Variants in LTN1 observed in about 807,000 individuals in gnomAD.
The protein encoded by LTN1 is E3 ubiquitin-protein ligase listerin.
LTN1 carries 88 observed loss-of-function variants against 201.2 expected under a neutral mutation model. The ratio of observed to expected loss-of-function variants is 0.44; its 90% CI spans 0.37 to 0.52. LTN1 has a LOEUF of 0.52. Ranked by LOEUF, LTN1 falls within the 20% of genes least tolerant of loss-of-function variation. LTN1 has a pLI of 0.00. For synonymous variants in LTN1, 645 were observed against 713.5 expected, an observed-to-expected ratio of 0.90 and a Z score of 1.53; for missense variants, 1,752 against 2,038.7, an observed-to-expected ratio of 0.86 and a Z score of 2.71.
chr21:28,984,787 G>A lies in LTN1; in HGVS notation c.481C>T (p.Pro161Ser). Residue 161 changes from proline (P) to serine (S), a missense_variant, in exon 4 of 30, where the codon CCA (proline) becomes TCA (serine). Around this residue, in one of 3 missense-constraint regions of LTN1, gnomAD observed 280 missense variants for 375.7 expected, o/e 0.75. Coordinates refer to ENST00000361371, the MANE Select transcript of LTN1 (RefSeq NM_015565.3). ...WLMAQCDTYT[P>S]AAFAAKDAFE... ...GCATCTTTTGCTGCAAACGCAGCTG[G>A]TGTGTAAGTATCACACTGAGCCATT... 6.2e-7 allele frequency: 1 copy of A among 1,613,976 alleles called. No homozygotes were observed. The highest frequency in any genetic ancestry group is 1.6e-4 in the Middle Eastern group (1 of 6,062).
In LTN1 at chr21:28,992,788, C is replaced by T. The variant is rs781146882; in HGVS notation, c.18G>A (p.Lys6=). 3 of 1,614,146 alleles carry T rather than the reference C, an allele frequency of 1.9e-6. No individual in the cohort carries two copies. Among genetic ancestry groups the T allele is most frequent in the African/African-American group, 2.7e-5 (2 of 74,944 alleles). Residue 6 remains lysine, a synonymous_variant, in exon 1 of 30, where the codon AAG becomes AAA. Transcript: ENST00000361371. ...CCCTCAGGTTCCCTTTAGTTCGCTG[C>T]TTGTTCTTCCCGCCCATGGTCGCGG... is the stretch of plus-strand genomic sequence containing the variant. MGGKN[K]QRTKGNLRPS...
chr21:28,984,821 T>C lies in LTN1; in HGVS notation c.447A>G (p.Gly149=), dbSNP rs1251434069. 6.2e-7 allele frequency: 1 copy of C among 1,614,080 alleles called. No individual in the cohort carries two copies. Among genetic ancestry groups the C allele is most frequent in the Non-Finnish European group, 8.5e-7 (1 of 1,179,944 alleles). ...TATCACACTGAGCCATTAGCCAATA[T>C]CCCATTAAACTTTTTAAGTAGGGAG... ...QLAPYLKSLM[G]YWLMAQCDTY... is the part of the protein sequence containing the mutation. Residue 149 remains glycine, a synonymous_variant, in exon 4 of 30, where the codon GGA becomes GGG. Transcript: ENST00000361371.
chr21:28,944,864 GACACATTAAAT>G (rs2084325354), intron 21 of LTN1, among the ~76,000 whole-genome samples: 1 of 152,094 alleles, frequency 6.6e-6, no homozygotes, highest in Non-Finnish European at 1.5e-5. Context: ...CACTAAGTCA[GACACATTAAAT>G]ACACATTTAT....
chr21:28,943,933 C>A lies in LTN1; in HGVS notation c.3983-29G>T, dbSNP rs182078480. 6 of 1,393,888 alleles carry A rather than the reference C, an allele frequency of 4.3e-6. 1 individual carries two copies. The South Asian group carries it at 6.9e-5, about 16-fold the overall frequency. 86.3% of individuals were successfully genotyped at this position (1,393,888 alleles called of 1,614,324 possible). A position where few individuals can be genotyped will look rare whatever the true frequency, so the allele number is the denominator to read the frequency against. ...ATGACAAAAAGGAAAGAAACATGCA[C>A]GTCTCAAAAGAAAGTTAGTATAGCT... is the stretch of plus-strand genomic sequence containing the variant. On this transcript the variant is annotated intron_variant, in intron 22 of 29. Transcript: ENST00000361371.
chr21:28,988,647 T>G (rs965304510), intron 1 of LTN1, among the ~76,000 whole-genome samples: 2 of 148,510 alleles, frequency 1.3e-5, no homozygotes, highest in South Asian at 4.2e-4. Context: ...GGTTCTCTAT[T>G]TTTTTTTTTA....
Position 28,959,628 on chromosome 21 carries a change from T to C in LTN1, c.2423A>G (p.Lys808Arg). ...VRLHETLFKT[K>R]KLSEAESSDS... The stretch of plus-strand genomic sequence containing the variant: ...ACTGCTTTCAGCTTCTGATAATTTC[T>C]TTGTTTTGAATAAAGTTTCATGAAG... Residue 808 changes from lysine (K) to arginine (R), a missense_variant, in exon 13 of 30, where the codon AAG becomes AGG. Transcript: ENST00000361371. The C allele has an allele frequency of 6.2e-7, 1 of 1,613,976 alleles. No individual in the cohort carries two copies. The highest frequency in any genetic ancestry group is 1.7e-5 in the Admixed American group (1 of 60,010).
chr21:28,970,294 A>C (rs2084562898), intron 8 of LTN1, among the ~76,000 whole-genome samples: 1 of 152,252 alleles, frequency 6.6e-6, no homozygotes, highest in African/African-American at 2.4e-5. Flanking sequence ...CTGTTAAAAA[A>C]ATGGCTAATT....
intron 18 of LTN1, among the ~76,000 whole-genome samples, chr21:28,951,184 T>C (rs908866293): frequency 1.3e-5 from 2 of 152,250 alleles, no homozygotes; most frequent in African/African-American, 4.8e-5. Flanking sequence ...TACACATTCA[T>C]GTGAATCTAC....
intron 13 of LTN1, among the ~76,000 whole-genome samples, chr21:28,959,103 T>C (rs1161381279): frequency 6.6e-6 from 1 of 152,216 alleles, no homozygotes; most frequent in Non-Finnish European, 1.5e-5. Context: ...AAAGATTGAA[T>C]GTTTTTACTA....
At position 28,930,414 on chromosome 21, in the gene LTN1, T is replaced by G; in HGVS notation, c.*34A>C. 1 of 1,538,072 alleles carries G rather than the reference T, an allele frequency of 6.5e-7. No individual in the cohort carries two copies. Among genetic ancestry groups the G allele is most frequent in the Non-Finnish European group, 9.0e-7 (1 of 1,114,532 alleles). On this transcript the variant is annotated 3_prime_UTR_variant, in exon 30 of 30. Coordinates refer to ENST00000361371, the MANE Select transcript of LTN1 (RefSeq NM_015565.3). Reference sequence around the variant, plus strand: ...ATCCAAATCCAATGCCTTTGTTTGATGTACTTCAGGGATCCCTTCCAGTGA... The same window carrying G: ...ATCCAAATCCAATGCCTTTGTTTGAGGTACTTCAGGGATCCCTTCCAGTGA...
In LTN1 at chr21:28,941,520, C is replaced by T. The variant is rs77661302; in HGVS notation, c.4296-114G>A. On this transcript the variant is annotated intron_variant, in intron 24 of 29. Coordinates refer to ENST00000361371, the MANE Select transcript of LTN1 (RefSeq NM_015565.3). ...AAAAATTTCTCTGTTTTCCAAAAAA[C>T]GTTTTAAAAATTCCCCTCTATTGAG... 74 of 843,688 alleles carry T rather than the reference C, an allele frequency of 8.8e-5. 1 individual carries two copies. The East Asian group carries it at 2.0e-3, about 23-fold the overall frequency. The allele number at this position is 843,688 out of a possible 1,614,324, so 52.3% of individuals were successfully genotyped here.
chr21:28,930,247 A>T lies in LTN1; in HGVS notation c.*201T>A. The T allele has an allele frequency of 2.5e-6, 1 of 403,890 alleles. No individual in the cohort carries two copies. Among genetic ancestry groups the T allele is most frequent in the East Asian group, 3.7e-5 (1 of 26,948 alleles). 25.0% of individuals were successfully genotyped at this position (403,890 alleles called of 1,614,324 possible). ...ATATGTAATATTCTTTTGTAAAAGA[A>T]AGTTTCCAAACATTTACAAAGCAAT... On this transcript the variant is annotated 3_prime_UTR_variant, in exon 30 of 30. Transcript: ENST00000361371.
intron 11 of LTN1, among the ~76,000 whole-genome samples, chr21:28,961,151 A>G (rs2084475772): frequency 6.6e-6 from 1 of 152,112 alleles, no homozygotes; most frequent in South Asian, 2.1e-4. Flanking sequence ...GTTCCTTGAG[A>G]GTAGAGACTG....
At chr21:28,974,547 AAC>A (rs2084600099) in intron 6 of LTN1, among the ~76,000 whole-genome samples, 3 of 152,178 alleles carry the variant, frequency 2.0e-5, no homozygotes, top group African/African-American at 7.2e-5. Flanking sequence ...GCTTTGCCCA[AAC>A]GTGGCTGTGG....
rs2084458226 is a variant in LTN1, at chr21:28,959,630, T to C, written c.2421A>G (p.Thr807=). 1 of 1,613,966 alleles carries C rather than the reference T, an allele frequency of 6.2e-7. No homozygotes were observed. Among genetic ancestry groups the C allele is most frequent in the Admixed American group, 1.7e-5 (1 of 60,010 alleles). Residue 807 remains threonine (T), a synonymous_variant, in exon 13 of 30, where the codon ACA becomes ACG. Coordinates refer to ENST00000361371, the MANE Select transcript of LTN1 (RefSeq NM_015565.3). ...IVRLHETLFK[T]KKLSEAESSD... The stretch of plus-strand genomic sequence containing the variant: ...TGCTTTCAGCTTCTGATAATTTCTT[T>C]GTTTTGAATAAAGTTTCATGAAGTC...
At chr21:28,947,119 A>C (rs1007216279) in intron 19 of LTN1, among the ~76,000 whole-genome samples, 1 of 152,212 alleles carries the variant, frequency 6.6e-6, no homozygotes, top group Non-Finnish European at 1.5e-5. Context: ...TAAATTAATA[A>C]ACAAATGAAA....
intron 17 of LTN1, 45 bp from the exon 18 acceptor site, chr21:28,952,309 C>G (rs1337962047): frequency 8.3e-7 from 1 of 1,200,678 alleles, no homozygotes; most frequent in African/African-American, 1.5e-5. Flanking sequence ...TGAAAGCATA[C>G]TGAATAAAAT....
Position 28,959,441 on chromosome 21 carries a change from G to T in LTN1, c.2593+17C>A. On this transcript the variant is annotated intron_variant, in intron 13 of 29. Transcript: ENST00000361371. ...GCCGGAGATTCCCAACAAAACATTT[G>T]AGCAGTAGGCTATTACCTGGCAAAT... 2 of 1,607,008 alleles carry T rather than the reference G, an allele frequency of 1.2e-6. No homozygotes were observed. The highest frequency in any genetic ancestry group is 2.2e-5 in the South Asian group (2 of 90,120).
At chr21:28,980,613 A>C (rs2084651191) in intron 6 of LTN1, among the ~76,000 whole-genome samples, 2 of 152,070 alleles carry the variant, frequency 1.3e-5, no homozygotes, top group African/African-American at 4.8e-5. Flanking sequence ...TCAGTTATCA[A>C]CTGACAAAAA....
Sources: allele counts gnomAD v4.1 joint callset (sites outside exome capture counted in the v4.1 genomes callset), GRCh38; gene constraint gnomAD v4.1.1; regional missense constraint gnomAD v4.1.1; transcripts MANE v1.5; gene names NCBI Gene and HGNC (gene_info 2026-07-23, HGNC 2026-07-21).